Variants in HS3ST4 observed in about 807,000 individuals in gnomAD.
The protein encoded by HS3ST4 is heparan sulfate glucosamine 3-O-sulfotransferase 4.
A neutral mutation model predicts 29.2 loss-of-function variants in HS3ST4; 17 were observed. The ratio of observed to expected loss-of-function variants is 0.58; its 90% CI spans 0.40 to 0.87. The LOEUF is 0.87. Among genes scored for constraint, HS3ST4 ranks in the 40% least tolerant of loss-of-function variants. HS3ST4 has a pLI of 0.00. For synonymous variants in HS3ST4, 314 were observed against 285.7 expected, an observed-to-expected ratio of 1.10 and a Z score of -1.00; for missense variants, 627 against 634.5, an observed-to-expected ratio of 0.99 and a Z score of 0.13.
At chr16:25,804,706 A>G (rs1966973150) in intron 1 of HS3ST4, among the ~76,000 whole-genome samples, 1 of 151,994 alleles carries the variant, frequency 6.6e-6, no homozygotes, top group South Asian at 2.1e-4. Context: ...CTTGGATGTC[A>G]TATACTAGCT....
chr16:26,038,396 G>T (rs968744447), intron 1 of HS3ST4, among the ~76,000 whole-genome samples: 10 of 152,110 alleles, frequency 6.6e-5, no homozygotes, highest in African/African-American at 2.4e-4. Flanking sequence ...TGCCTATCTA[G>T]ACAGACTAGA....
intron 1 of HS3ST4, among the ~76,000 whole-genome samples, chr16:25,821,808 T>C (rs1254158540): frequency 6.6e-6 from 1 of 152,110 alleles, no homozygotes; most frequent in African/African-American, 2.4e-5. Context: ...GCACAGGCAC[T>C]GAGGCAGAAG....
chr16:25,828,242 C>CTGTCTGTCTGTCTTTCTT (rs1371928058), intron 1 of HS3ST4, among the ~76,000 whole-genome samples: 2 of 75,016 alleles, frequency 2.7e-5, no homozygotes, highest in African/African-American at 1.2e-4. Context: ...TTCTTTCTTT[C>CTGTCTGTCTGTCTTTCTT]TCTTTCTTTC....
intron 1 of HS3ST4, among the ~76,000 whole-genome samples, chr16:26,086,384 C>G (rs1898787355): frequency 6.7e-6 from 1 of 149,762 alleles, no homozygotes; most frequent in Non-Finnish European, 1.5e-5. Context: ...GAGTCTTGCT[C>G]TGTCGCCCAG....
intron 1 of HS3ST4, among the ~76,000 whole-genome samples, chr16:25,861,611 C>A (rs1276427758): frequency 6.6e-6 from 1 of 152,112 alleles, no homozygotes; most frequent in East Asian, 1.9e-4. Context: ...CAGGCACCAG[C>A]AACTCAGGCC....
Position 25,979,867 on chromosome 16 carries a change from G to A in HS3ST4, c.735-155745G>A, listed in dbSNP as rs1968986451. ...GAAGTGGCTGCTTCTCTTCCTCAGT[G>A]AATGGTAATGCCACCTACCCTGCTA... On this transcript the variant is annotated intron_variant, in intron 1 of 1. Coordinates refer to ENST00000331351, the MANE Select transcript of HS3ST4 (RefSeq NM_006040.3). Among the ~76,000 whole-genome samples the A allele has an allele frequency of 1.3e-5, 2 of 152,268 alleles. 1 individual carries two copies. The highest frequency in any genetic ancestry group is 4.1e-4 in the South Asian group (2 of 4,824).
chr16:25,804,128 A>T (rs1466601749), intron 1 of HS3ST4, among the ~76,000 whole-genome samples: 2 of 152,166 alleles, frequency 1.3e-5, no homozygotes, highest in African/African-American at 4.8e-5. Context: ...TATCTTCCTC[A>T]TAGATAAGAC....
At chr16:25,719,069 A>G (rs1205119934) in intron 1 of HS3ST4, among the ~76,000 whole-genome samples, 1 of 152,232 alleles carries the variant, frequency 6.6e-6, no homozygotes, top group Admixed American at 6.5e-5. Context: ...AAAAATGTCC[A>G]CTTAGTTTAG....
At chr16:25,899,711 A>G (rs1159059255) in intron 1 of HS3ST4, among the ~76,000 whole-genome samples, 1 of 150,864 alleles carries the variant, frequency 6.6e-6, no homozygotes, top group Admixed American at 6.6e-5. Context: ...ATGGGGCTTC[A>G]CCATGTTGAT....
intron 1 of HS3ST4, among the ~76,000 whole-genome samples, chr16:25,772,864 G>A (rs1596566256): frequency 6.6e-6 from 1 of 152,158 alleles, no homozygotes; most frequent in Non-Finnish European, 1.5e-5. Flanking sequence ...CTATGACGTC[G>A]AGAGATGGAG....
chr16:26,134,700 G>A (rs570782939), intron 1 of HS3ST4, among the ~76,000 whole-genome samples: 3 of 152,220 alleles, frequency 2.0e-5, no homozygotes, highest in Admixed American at 1.3e-4. Flanking sequence ...AATTTGCTGA[G>A]GTCACAAAGC....
intron 1 of HS3ST4, among the ~76,000 whole-genome samples, chr16:25,916,424 A>G (rs952922293): frequency 3.3e-5 from 5 of 151,766 alleles, no homozygotes; most frequent in African/African-American, 9.7e-5. Context: ...GTACAATGGC[A>G]CTATCTCGGC....
intron 1 of HS3ST4, among the ~76,000 whole-genome samples, chr16:25,978,582 A>G (rs941096502): frequency 6.6e-6 from 1 of 152,262 alleles, no homozygotes; most frequent in African/African-American, 2.4e-5. Context: ...AACACTGTCT[A>G]CATCTCTTGT....
intron 1 of HS3ST4, among the ~76,000 whole-genome samples, chr16:25,696,128 A>G (rs1262907091): frequency 1.3e-5 from 2 of 152,220 alleles, no homozygotes; most frequent in Admixed American, 1.3e-4. Flanking sequence ...ATGGATTGGG[A>G]TGCATGTGTT....
chr16:26,101,775 A>G (rs1211209268), intron 1 of HS3ST4, among the ~76,000 whole-genome samples: 1 of 152,188 alleles, frequency 6.6e-6, no homozygotes, highest in Non-Finnish European at 1.5e-5. Context: ...GGATGGATGA[A>G]TCACTTTTTG....
intron 1 of HS3ST4, among the ~76,000 whole-genome samples, chr16:25,744,459 G>A (rs1315795016): frequency 6.6e-6 from 1 of 152,180 alleles, no homozygotes; most frequent in Non-Finnish European, 1.5e-5. Flanking sequence ...ATCCTAAATA[G>A]CAGTGCCTTA....
At chr16:25,931,312 C>T (rs1439956473) in intron 1 of HS3ST4, among the ~76,000 whole-genome samples, 1 of 152,206 alleles carries the variant, frequency 6.6e-6, no homozygotes, top group East Asian at 1.9e-4. Context: ...AGTCCTTGTT[C>T]TCTGTGCTTC....
At chr16:25,949,695 T>A (rs368760715) in intron 1 of HS3ST4, among the ~76,000 whole-genome samples, 16 of 152,196 alleles carry the variant, frequency 1.1e-4, no homozygotes, top group African/African-American at 3.9e-4. Context: ...ATATCATGAA[T>A]AAGGGGGATT....
At chr16:26,031,288 A>G (rs957467134) in intron 1 of HS3ST4, among the ~76,000 whole-genome samples, 10 of 152,124 alleles carry the variant, frequency 6.6e-5, no homozygotes, top group African/African-American at 2.4e-4. Flanking sequence ...AGAACCAGAG[A>G]AAGAGATGGA....
Sources: allele counts gnomAD v4.1 joint callset (sites outside exome capture counted in the v4.1 genomes callset), GRCh38; gene constraint gnomAD v4.1.1; transcripts MANE v1.5; gene names NCBI Gene and HGNC (gene_info 2026-07-23, HGNC 2026-07-21).